SEMA6A: variants seen among roughly 807,000 people sequenced by gnomAD.
SEMA6A encodes the protein semaphorin-6A.
SEMA6A carries 25 observed loss-of-function variants against 96.8 expected under a neutral mutation model. That is an observed-to-expected ratio of 0.26 (90% CI 0.19 to 0.36). The LOEUF is 0.36. SEMA6A is among the 10% of genes least tolerant of loss of function. The pLI is 1.00. For synonymous variants in SEMA6A, 612 were observed against 518.0 expected (o/e 1.18, Z -2.46); for missense variants, 1,363 against 1,323.1 (o/e 1.03, Z -0.47).
At chr5:116,509,707 G>C (rs1165106645) in intron 1 of SEMA6A, among the ~76,000 whole-genome samples, 1 of 152,098 alleles carries the variant, frequency 6.6e-6, no homozygotes, top group Non-Finnish European at 1.5e-5. Flanking sequence ...ATCACCTGGA[G>C]AGATGAGGTA....
intron 2 of SEMA6A, among the ~76,000 whole-genome samples, chr5:116,503,837 G>C (rs999127552): frequency 6.6e-6 from 1 of 152,042 alleles, no homozygotes; most frequent in Non-Finnish European, 1.5e-5. Context: ...CTATACTCGG[G>C]CATCCAAGAC....
At chr5:116,489,132 T>C (rs190464711) in intron 7 of SEMA6A, 125 bp from the exon 8 acceptor site, 73 of 1,120,592 alleles carry the variant, frequency 6.5e-5, no homozygotes, top group Non-Finnish European at 8.6e-5. Flanking sequence ...CTGGGAAAAA[T>C]CCAAGAGTCG....
chr5:116,496,992 T>C (rs1757634573), intron 4 of SEMA6A, among the ~76,000 whole-genome samples: 1 of 152,256 alleles, frequency 6.6e-6, no homozygotes, highest in African/African-American at 2.4e-5. Flanking sequence ...TTGAAACCTT[T>C]GTAGAATACA....
intron 1 of SEMA6A, among the ~76,000 whole-genome samples, chr5:116,524,604 T>TAA (rs557950296): frequency 6.1e-5 from 9 of 146,718 alleles, no homozygotes; most frequent in South Asian, 2.1e-4. Context: ...GTCAGACCTT[T>TAA]AAAAAAAAAA....
chr5:116,449,297 T>G (rs969818564), intron 18 of SEMA6A: 2 of 701,996 alleles, frequency 2.8e-6, no homozygotes, highest in African/African-American at 3.5e-5. Flanking sequence ...ATGGAAATGA[T>G]AGCAAGACAG....
chr5:116,490,264 T>G (rs1204266243), intron 7 of SEMA6A, among the ~76,000 whole-genome samples: 1 of 152,178 alleles, frequency 6.6e-6, no homozygotes, highest in Non-Finnish European at 1.5e-5. Context: ...GAATCATAAC[T>G]TTTCTTATGG....
At chr5:116,488,284 T>G in intron 8 of SEMA6A, 88 bp from the exon 9 acceptor site, 1 of 868,838 alleles carries the variant, frequency 1.2e-6, no homozygotes, top group Non-Finnish European at 1.9e-6. Context: ...ATGTTATTAA[T>G]TAAAAGTGTA....
chr5:116,492,643 T>A (rs976550482), intron 6 of SEMA6A, among the ~76,000 whole-genome samples: 1 of 152,252 alleles, frequency 6.6e-6, no homozygotes, highest in African/African-American at 2.4e-5. Context: ...CTAGATAATC[T>A]TGATAATCTA....
intron 1 of SEMA6A, among the ~76,000 whole-genome samples, chr5:116,543,396 T>A (rs1437789942): frequency 6.6e-6 from 1 of 152,250 alleles, no homozygotes; most frequent in African/African-American, 2.4e-5. Flanking sequence ...CAGATGTGTA[T>A]TAAACTTCCA....
At chr5:116,481,955 G>A (rs1580416242) in intron 11 of SEMA6A, among the ~76,000 whole-genome samples, 1 of 152,262 alleles carries the variant, frequency 6.6e-6, no homozygotes, top group African/African-American at 2.4e-5. Context: ...GTACCCGCTG[G>A]ATTCTTCTCA....
At position 116,475,581 on chromosome 5, in the gene SEMA6A, C is replaced by G. The variant is rs374976568; in HGVS notation, c.1672G>C (p.Glu558Gln). ...NSRLTFEQDI[E>Q]RGNTDGLGDC... is the part of the protein sequence containing the mutation. ...CCCAGACCATCTGTATTGCCACGCTCTATGTCCTGCTCAAAAGTCAGTCTT... is the reference window on the plus strand; with the variant it reads ...CCCAGACCATCTGTATTGCCACGCTGTATGTCCTGCTCAAAAGTCAGTCTT... The change falls in exon 16 of 19, where the codon GAG becomes CAG. Residue 558 changes from glutamate (E) to glutamine (Q), a missense_variant. Around this residue, in one of 2 missense-constraint regions of SEMA6A, gnomAD observed 883 missense variants for 763.6 expected, o/e 1.16. Coordinates refer to ENST00000343348, the MANE Select transcript of SEMA6A (RefSeq NM_020796.5). 32 of 1,603,760 alleles carry G rather than the reference C, an allele frequency of 2.0e-5. No individual in the cohort carries two copies. In the African/African-American group the frequency reaches 3.3e-4, roughly 17 times the overall value.
chr5:116,453,986 G>C (rs2112597150), intron 18 of SEMA6A, among the ~76,000 whole-genome samples: 1 of 152,250 alleles, frequency 6.6e-6, no homozygotes, highest in South Asian at 2.1e-4. Flanking sequence ...AAGCGTGTAA[G>C]ACACAGGCAA....
intron 6 of SEMA6A, among the ~76,000 whole-genome samples, chr5:116,494,781 A>G (rs985071922): frequency 6.6e-6 from 1 of 152,236 alleles, no homozygotes; most frequent in African/African-American, 2.4e-5. Context: ...ACAGTGGTGC[A>G]GCCAAGACCT....
intron 18 of SEMA6A, 84 bp from the exon 19 acceptor site, chr5:116,447,895 A>AT: frequency 8.9e-7 from 1 of 1,123,848 alleles, no homozygotes; most frequent in East Asian, 2.6e-5. Flanking sequence ...TTGTTAATTA[A>AT]TAACAGTAGT....
Position 116,482,687 on chromosome 5 carries a change from AC to A in SEMA6A, c.963-113del. 10 of 996,040 alleles carry A rather than the reference AC, an allele frequency of 1.0e-5. No individual in the cohort carries two copies. The South Asian group carries it at 1.6e-4, about 16-fold the overall frequency. 61.7% of individuals were successfully genotyped at this position (996,040 alleles called of 1,614,324 possible). On this transcript the variant is annotated intron_variant, in intron 10 of 18. Coordinates refer to ENST00000343348, the MANE Select transcript of SEMA6A (RefSeq NM_020796.5). ...ACAGCAAATGAAATTTAAAGTTCAT[AC>A]CTTGGACACTATAAATATAAGGGAT...
In SEMA6A at chr5:116,453,826, C is replaced by T. The variant is rs186154387; in HGVS notation, c.1895-6015G>A. The stretch of plus-strand genomic sequence containing the variant: ...CTCTCAATCTTAAAGTATACTAATG[C>T]CCTGCACCTTACACAAATAGCTGGG... On this transcript the variant is annotated intron_variant, in intron 18 of 18. Coordinates refer to ENST00000343348, the MANE Select transcript of SEMA6A (RefSeq NM_020796.5). 1.7e-3 allele frequency among the ~76,000 whole-genome samples: 261 copies of T among 152,266 alleles called. 2 individuals carry two copies. Among genetic ancestry groups the T allele is most frequent in the African/African-American group, 5.4e-3 (226 of 41,550 alleles).
At chr5:116,523,613 A>T (rs1379313887) in intron 1 of SEMA6A, among the ~76,000 whole-genome samples, 1 of 152,184 alleles carries the variant, frequency 6.6e-6, no homozygotes, top group African/African-American at 2.4e-5. Flanking sequence ...CACCCGGCCT[A>T]GACAGCAGTT....
intron 1 of SEMA6A, among the ~76,000 whole-genome samples, chr5:116,515,710 A>G (rs1561510694): frequency 6.6e-6 from 1 of 152,188 alleles, no homozygotes; most frequent in Non-Finnish European, 1.5e-5. Flanking sequence ...AGTTAATAGA[A>G]ATACAATCTC....
At chr5:116,566,209 G>A (rs1761021740) in intron 1 of SEMA6A, among the ~76,000 whole-genome samples, 1 of 152,186 alleles carries the variant, frequency 6.6e-6, no homozygotes, top group Non-Finnish European at 1.5e-5. Flanking sequence ...GGTCTTTGAA[G>A]CGTAGAGGGG....
Sources: allele counts gnomAD v4.1 joint callset (sites outside exome capture counted in the v4.1 genomes callset), GRCh38; gene constraint gnomAD v4.1.1; regional missense constraint gnomAD v4.1.1; transcripts MANE v1.5; gene names NCBI Gene and HGNC (gene_info 2026-07-23, HGNC 2026-07-21).